The following WWOX variants were observed in gnomAD, a reference collection of about 807,000 sequenced individuals.
WWOX encodes the protein WW domain containing oxidoreductase.
A neutral mutation model predicts 46.2 loss-of-function variants in WWOX; 69 were observed. The ratio of observed to expected loss-of-function variants is 1.49; its 90% CI spans 1.23 to 1.82. The LOEUF (loss-of-function observed/expected upper bound fraction) is 1.82, where lower values mean the gene tolerates loss of function less well. Ranked by LOEUF, WWOX falls within the 40% of genes most tolerant of loss-of-function variation. WWOX has a pLI of 0.00. For synonymous variants in WWOX, 359 were observed against 202.6 expected, an observed-to-expected ratio of 1.77 and a Z score of -6.56; for missense variants, 919 against 542.6, an observed-to-expected ratio of 1.69 and a Z score of -6.89.
chr16:78,605,729 T>C (rs935698890), intron 8 of WWOX, among the ~76,000 whole-genome samples: 1 of 152,132 alleles, frequency 6.6e-6, no homozygotes, highest in Non-Finnish European at 1.5e-5. Flanking sequence ...ATGATGAAAA[T>C]AGCCAGTTAT....
chr16:78,570,197 A>G (rs1398292785), intron 8 of WWOX, among the ~76,000 whole-genome samples: 1 of 152,190 alleles, frequency 6.6e-6, no homozygotes, highest in Non-Finnish European at 1.5e-5. Context: ...GAAACTAGTG[A>G]GGTGGAAATA....
chr16:78,808,774 C>T (rs535247364), intron 8 of WWOX, among the ~76,000 whole-genome samples: 1 of 151,988 alleles, frequency 6.6e-6, no homozygotes, highest in Non-Finnish European at 1.5e-5. Context: ...TCTAATTTGC[C>T]CAGTGTCGTG....
intron 8 of WWOX, among the ~76,000 whole-genome samples, chr16:78,727,812 C>G (rs952208899): frequency 2.6e-5 from 4 of 151,948 alleles, no homozygotes; most frequent in Non-Finnish European, 4.4e-5. Flanking sequence ...GTGTGTCCTA[C>G]CTATGTGCCT....
chr16:78,173,588 G>A (rs770738370), intron 5 of WWOX, among the ~76,000 whole-genome samples: 1 of 151,862 alleles, frequency 6.6e-6, no homozygotes, highest in South Asian at 2.1e-4. Flanking sequence ...ATGGGCCATC[G>A]TGCCTGGCCT....
intron 5 of WWOX, among the ~76,000 whole-genome samples, chr16:78,356,091 A>AAAAG (rs1281293467): frequency 1.3e-5 from 1 of 76,702 alleles, no homozygotes; most frequent in South Asian, 3.2e-4. Flanking sequence ...AAAAAAAAAA[A>AAAAG]AAGAAGAATC....
chr16:78,411,853 T>G (rs1045165649), intron 6 of WWOX, among the ~76,000 whole-genome samples: 13 of 152,186 alleles, frequency 8.5e-5, no homozygotes, highest in South Asian at 2.1e-4. Flanking sequence ...TGGGGATTCT[T>G]GTTCCTATGA....
At chr16:78,978,043 A>T (rs1474965335) in intron 8 of WWOX, among the ~76,000 whole-genome samples, 1 of 152,216 alleles carries the variant, frequency 6.6e-6, no homozygotes, top group African/African-American at 2.4e-5. Context: ...GCTACTACCC[A>T]TTCCTCTTCC....
At chr16:78,607,926 C>G (rs964386601) in intron 8 of WWOX, among the ~76,000 whole-genome samples, 2 of 152,090 alleles carry the variant, frequency 1.3e-5, no homozygotes, top group African/African-American at 4.8e-5. Context: ...AAAAATATTG[C>G]TGGCTCTGAA....
rs1555567048 is a variant in WWOX at position 78,578,254 on chromosome 16, T to TTATGTATATATATATATATA, written c.1056+145505_1056+145506insGTATATATATATATATATAT. The stretch of plus-strand genomic sequence containing the variant: ...TACAAATATATGTGCATACCAAATT[T>TTATGTATATATATATATATA]TATATATATATATATATATATATAT... On this transcript the variant is annotated intron_variant, in intron 8 of 8. Transcript: ENST00000566780. Among the ~76,000 whole-genome samples the TTATGTATATATATATATATA allele has an allele frequency of 4.1e-4, 13 of 31,630 alleles. 2 individuals carry two copies. The highest frequency in any genetic ancestry group is 7.8e-4 in the Non-Finnish European group (13 of 16,608). 20.8% of individuals were successfully genotyped at this position (31,630 alleles called of 152,430 possible). A position where few individuals can be genotyped will look rare whatever the true frequency, so the allele number is the denominator to read the frequency against.
intron 8 of WWOX, among the ~76,000 whole-genome samples, chr16:79,005,721 A>T (rs1445115367): frequency 6.6e-6 from 1 of 152,192 alleles, no homozygotes; most frequent in African/African-American, 2.4e-5. Flanking sequence ...AATTCACTGT[A>T]ATCACATCTT....
intron 8 of WWOX, among the ~76,000 whole-genome samples, chr16:78,968,847 A>G (rs1056000629): frequency 3.3e-5 from 5 of 152,166 alleles, no homozygotes; most frequent in Non-Finnish European, 7.3e-5. Context: ...TGCAAAGTGC[A>G]GTATTACCAT....
At position 78,290,245 on chromosome 16, in the gene WWOX, G is replaced by GCGAGC. The variant is rs1409735135; in HGVS notation, c.517-96614_517-96610dup. ...TTAGAGAGCACTCTGCGAGCACTCT[G>GCGAGC]CGAGCGGACATGTCGATATCAGCTC... On this transcript the variant is annotated intron_variant, in intron 5 of 8. Transcript: ENST00000566780. 5.3e-5 allele frequency among the ~76,000 whole-genome samples: 8 copies of GCGAGC among 151,574 alleles called. No individual in the cohort carries two copies. The East Asian group carries it at 1.6e-3, about 30-fold the overall frequency.
intron 8 of WWOX, among the ~76,000 whole-genome samples, chr16:78,968,295 G>A (rs5024396): frequency 0.44 from 66,198 of 152,086 alleles, 14,997 homozygotes; most frequent in African/African-American, 0.48. Context: ...AGTCCTACCC[G>A]TAGGAATCCA....
At chr16:78,351,916 C>G (rs887442318) in intron 5 of WWOX, among the ~76,000 whole-genome samples, 1 of 152,168 alleles carries the variant, frequency 6.6e-6, no homozygotes, top group Non-Finnish European at 1.5e-5. Flanking sequence ...CTCAGCCTCC[C>G]AAAGTGCTGG....
At chr16:78,845,330 T>A (rs941459495) in intron 8 of WWOX, among the ~76,000 whole-genome samples, 13 of 152,172 alleles carry the variant, frequency 8.5e-5, no homozygotes, top group African/African-American at 2.7e-4. Flanking sequence ...CCTTTCCTCC[T>A]ATCTGTCTGC....
At chr16:78,410,333 G>T (rs2082650222) in intron 6 of WWOX, among the ~76,000 whole-genome samples, 1 of 152,196 alleles carries the variant, frequency 6.6e-6, no homozygotes, top group Non-Finnish European at 1.5e-5. Flanking sequence ...TCTTACCCTT[G>T]ATCACGGTCT....
chr16:78,940,705 C>G (rs1384535079), intron 8 of WWOX, among the ~76,000 whole-genome samples: 3 of 146,564 alleles, frequency 2.0e-5, no homozygotes. Flanking sequence ...TGAATGACCA[C>G]AAAGCATATC....
chr16:78,505,317 A>G (rs1404470736), intron 8 of WWOX, among the ~76,000 whole-genome samples: 1 of 152,232 alleles, frequency 6.6e-6, no homozygotes, highest in Non-Finnish European at 1.5e-5. Context: ...ACTCCGAGGC[A>G]GCTTCTGGCT....
chr16:78,998,732 A>C (rs1448169342), intron 8 of WWOX, among the ~76,000 whole-genome samples: 2 of 152,236 alleles, frequency 1.3e-5, no homozygotes, highest in African/African-American at 2.4e-5. Context: ...TTTAACTTAT[A>C]CATTGAAAGG....
Sources: allele counts gnomAD v4.1 joint callset (sites outside exome capture counted in the v4.1 genomes callset), GRCh38; gene constraint gnomAD v4.1.1; transcripts MANE v1.5; gene names NCBI Gene and HGNC (gene_info 2026-07-23, HGNC 2026-07-21).